Variants in PDE5A observed in about 807,000 individuals in gnomAD.
PDE5A encodes the protein phosphodiesterase 5A.
Under a neutral mutation model 110.2 loss-of-function variants are expected in PDE5A, and 67 were observed. The ratio of observed to expected loss-of-function variants is 0.61; its 90% CI spans 0.50 to 0.75. The LOEUF is 0.75. Among genes scored for constraint, PDE5A ranks in the 30% least tolerant of loss-of-function variants. The probability of loss-of-function intolerance (pLI) is 0.00; values close to 1 mark genes in which losing one functional copy is unlikely to be tolerated. For synonymous variants in PDE5A, 328 were observed against 351.2 expected (o/e 0.93, Z 0.74); for missense variants, 862 against 1,045.1 (o/e 0.82, Z 2.42).
chr4:119,546,343 A>G (rs1215299524), intron 9 of PDE5A, among the ~76,000 whole-genome samples: 1 of 152,132 alleles, frequency 6.6e-6, no homozygotes, highest in Non-Finnish European at 1.5e-5. Flanking sequence ...GGTGTCTTTC[A>G]TTCAAAAGTA....
chr4:119,604,823 T>C (rs1001728815), intron 2 of PDE5A, among the ~76,000 whole-genome samples: 1 of 152,180 alleles, frequency 6.6e-6, no homozygotes, highest in African/African-American at 2.4e-5. Flanking sequence ...GCAGATTCTA[T>C]TAGGTTGGTG....
chr4:119,618,090 A>G (rs542982733), intron 1 of PDE5A, among the ~76,000 whole-genome samples: 7 of 152,288 alleles, frequency 4.6e-5, no homozygotes, highest in African/African-American at 1.2e-4. Context: ...AGGGCCCTAG[A>G]TGAGACAGAC....
chr4:119,593,832 G>A (rs1354693183), intron 3 of PDE5A, among the ~76,000 whole-genome samples: 1 of 152,126 alleles, frequency 6.6e-6, no homozygotes, highest in African/African-American at 2.4e-5. Context: ...CTCATTGCTG[G>A]GGAGTCCCCA....
intron 11 of PDE5A, among the ~76,000 whole-genome samples, chr4:119,536,381 A>T (rs1335618009): frequency 1.3e-5 from 2 of 152,174 alleles, no homozygotes; most frequent in Non-Finnish European, 2.9e-5. Flanking sequence ...TGCCTGCAGG[A>T]ACTTCAATAT....
chr4:119,581,207 A>T (rs760919671), intron 3 of PDE5A, among the ~76,000 whole-genome samples: 2 of 152,232 alleles, frequency 1.3e-5, no homozygotes, highest in African/African-American at 2.4e-5. Context: ...ACACAGCAAA[A>T]ATGGTAAAAA....
intron 7 of PDE5A, among the ~76,000 whole-genome samples, chr4:119,558,283 A>G (rs981831107): frequency 2.6e-5 from 4 of 152,230 alleles, no homozygotes; most frequent in African/African-American, 9.6e-5. Flanking sequence ...GTTGTTTTAC[A>G]TTTAACATTT....
rs1433949800 is a variant in PDE5A, at chr4:119,497,152, T to C, written c.*1449A>G. ...CTTAGAAATTTTCTATCCAAATTAG[T>C]GATAGAAACTCAGATCAAATATCTT... On this transcript the variant is annotated 3_prime_UTR_variant, in exon 21 of 21. Coordinates refer to ENST00000354960, the MANE Select transcript of PDE5A (RefSeq NM_001083.4). 6.6e-6 allele frequency: 1 copy of C among 152,100 alleles called. No homozygotes were observed. The highest frequency in any genetic ancestry group is 1.5e-5 in the Non-Finnish European group (1 of 67,994). 9.4% of individuals were successfully genotyped at this position (152,100 alleles called of 1,614,324 possible).
intron 3 of PDE5A, among the ~76,000 whole-genome samples, chr4:119,572,804 A>G (rs1175814405): frequency 6.6e-6 from 1 of 152,208 alleles, no homozygotes; most frequent in African/African-American, 2.4e-5. Flanking sequence ...ATTGACAACT[A>G]CTGATACAGA....
At chr4:119,585,199 C>T (rs954200687) in intron 3 of PDE5A, among the ~76,000 whole-genome samples, 5 of 151,628 alleles carry the variant, frequency 3.3e-5, no homozygotes, top group African/African-American at 7.3e-5. Flanking sequence ...CGCTTGAACC[C>T]GGGAGATGGG....
chr4:119,554,446 A>G (rs1235902542), intron 7 of PDE5A, among the ~76,000 whole-genome samples: 2 of 152,174 alleles, frequency 1.3e-5, no homozygotes, highest in African/African-American at 4.8e-5. Flanking sequence ...GATTAATCTG[A>G]TGCCAGGGGG....
At chr4:119,590,970 C>G (rs951797046) in intron 3 of PDE5A, among the ~76,000 whole-genome samples, 7 of 152,096 alleles carry the variant, frequency 4.6e-5, no homozygotes, top group Non-Finnish European at 1.0e-4. Context: ...GGTAATTAGT[C>G]AGAATGGGTA....
chr4:119,553,781 A>G (rs376191928), intron 7 of PDE5A, 35 bp from the exon 8 acceptor site: 3 of 1,084,740 alleles, frequency 2.8e-6, no homozygotes, highest in Non-Finnish European at 4.2e-6. Context: ...CCCTCTGTGC[A>G]GTTAAAAAAA....
chr4:119,547,111 T>TTG (rs1727157391), intron 9 of PDE5A, among the ~76,000 whole-genome samples: 1 of 149,940 alleles, frequency 6.7e-6, no homozygotes, highest in Non-Finnish European at 1.5e-5. Flanking sequence ...CAATAGTTTT[T>TTG]TTTTTTTTTT....
intron 3 of PDE5A, among the ~76,000 whole-genome samples, chr4:119,591,262 A>G (rs1202408836): frequency 6.6e-6 from 1 of 152,196 alleles, no homozygotes; most frequent in African/African-American, 2.4e-5. Context: ...CTTTTAAAGA[A>G]TAGTAGCTGA....
intron 15 of PDE5A, among the ~76,000 whole-genome samples, chr4:119,508,010 G>A (rs889157710): frequency 6.6e-6 from 1 of 151,282 alleles, no homozygotes; most frequent in Admixed American, 6.6e-5. Context: ...CAGACTAATC[G>A]CTATAATTTA....
chr4:119,524,740 G>T (rs1282668113), intron 12 of PDE5A, among the ~76,000 whole-genome samples: 1 of 151,970 alleles, frequency 6.6e-6, no homozygotes. Flanking sequence ...ACATTCAACT[G>T]ATCAGAAAAA....
chr4:119,594,539 C>A (rs150821342), intron 3 of PDE5A, among the ~76,000 whole-genome samples: 40 of 152,234 alleles, frequency 2.6e-4, no homozygotes, highest in African/African-American at 9.4e-4. Flanking sequence ...ATAATGATGT[C>A]CCAAATAATG....
In PDE5A at chr4:119,525,692, C is replaced by A; in HGVS notation, c.1636G>T (p.Ala546Ser). 1 of 1,600,962 alleles carries A rather than the reference C, an allele frequency of 6.2e-7. No individual in the cohort carries two copies. The highest frequency in any genetic ancestry group is 1.7e-5 in the Admixed American group (1 of 57,944). Reference sequence around the variant, plus strand: ...AGGGTCTGGGCAGATGGCACCACAGCAGCCTTGGGTAAGGAAAGAAGAAAA... The same window carrying A: ...AGGGTCTGGGCAGATGGCACCACAGAAGCCTTGGGTAAGGAAAGAAGAAAA... ...ETRELQSLAA[A>S]VVPSAQTLKI... Residue 546 changes from alanine to serine, a missense_variant, in exon 12 of 21, where the codon GCT (alanine) becomes TCT (serine). Physicochemically the swap from Ala to Ser is moderately conservative, Grantham distance 99. Coordinates refer to ENST00000354960, the MANE Select transcript of PDE5A (RefSeq NM_001083.4). The surrounding 1 kb of genome is among the most constrained non-coding windows in gnomAD (Gnocchi z 4.3).
intron 3 of PDE5A, among the ~76,000 whole-genome samples, chr4:119,583,228 C>T (rs540479309): frequency 4.4e-4 from 67 of 152,368 alleles, no homozygotes; most frequent in African/African-American, 1.6e-3. Flanking sequence ...CTTGCTTCTT[C>T]ACCTTGCACT....
Sources: allele counts gnomAD v4.1 joint callset (sites outside exome capture counted in the v4.1 genomes callset), GRCh38; gene constraint gnomAD v4.1.1; non-coding constraint Gnocchi (gnomAD v3.1); transcripts MANE v1.5; gene names NCBI Gene and HGNC (gene_info 2026-07-23, HGNC 2026-07-21).